Variants in PDE4B observed in about 807,000 individuals in gnomAD.
PDE4B encodes the protein 3',5'-cyclic-AMP phosphodiesterase 4B.
A neutral mutation model predicts 82.2 loss-of-function variants in PDE4B; 20 were observed. That is an observed-to-expected ratio of 0.24 (90% CI 0.17 to 0.35). The LOEUF is 0.35. Ranked by LOEUF, PDE4B falls within the 10% of genes least tolerant of loss-of-function variation. PDE4B has a pLI of 1.00. For synonymous variants in PDE4B, 320 were observed against 318.9 expected, an observed-to-expected ratio of 1.00 and a Z score of -0.04; for missense variants, 655 against 907.2, an observed-to-expected ratio of 0.72 and a Z score of 3.57.
intron 7 of PDE4B, among the ~76,000 whole-genome samples, chr1:66,308,002 A>C (rs979499008): frequency 3.3e-5 from 5 of 152,148 alleles, no homozygotes; most frequent in African/African-American, 1.2e-4. Flanking sequence ...GAAAAATTAG[A>C]TAAATCATAA....
In PDE4B at chr1:65,885,117, T is replaced by C. The variant is rs570603311; in HGVS notation, c.-70-28128T>C. ...CAACAGACACATGAAAAAATGCTCA[T>C]CATCACTGGCCATCAGAGAAATGCA... is the stretch of plus-strand genomic sequence containing the variant. On this transcript the variant is annotated intron_variant, in intron 1 of 16. Transcript: ENST00000341517. Among the ~76,000 whole-genome samples the C allele has an allele frequency of 5.9e-5, 9 of 152,226 alleles. No individual in the cohort carries two copies. In the South Asian group the frequency reaches 1.7e-3, roughly 28 times the overall value.
chr1:65,813,575 C>A (rs1160054710), intron 1 of PDE4B, among the ~76,000 whole-genome samples: 1 of 152,016 alleles, frequency 6.6e-6, no homozygotes, highest in Non-Finnish European at 1.5e-5. Flanking sequence ...CCCTGGAAAT[C>A]ATATTCAAAA....
At chr1:66,266,623 G>A (rs1655059009) in intron 7 of PDE4B, 2 of 469,628 alleles carry the variant, frequency 4.3e-6, no homozygotes, top group Non-Finnish European at 8.7e-6. Context: ...ACGGTGTTTT[G>A]TTTTGTTTTG....
intron 3 of PDE4B, among the ~76,000 whole-genome samples, chr1:66,048,501 A>G (rs899918279): frequency 6.6e-6 from 1 of 152,010 alleles, no homozygotes; most frequent in Admixed American, 6.6e-5. Context: ...TAAAATAATT[A>G]TCTGGAAGGT....
intron 3 of PDE4B, chr1:66,152,535 A>C (rs1158637863): frequency 3.1e-6 from 1 of 324,916 alleles, no homozygotes; most frequent in East Asian, 7.6e-5. Flanking sequence ...CTGATGAGGT[A>C]TGTATATGTA....
At chr1:65,844,543 T>C (rs1399373889) in intron 1 of PDE4B, among the ~76,000 whole-genome samples, 1 of 152,164 alleles carries the variant, frequency 6.6e-6, no homozygotes, top group African/African-American at 2.4e-5. Context: ...TGCCTTATTT[T>C]GTGTTGGATT....
chr1:66,338,781 G>A (rs1216236887), intron 8 of PDE4B, among the ~76,000 whole-genome samples: 8 of 152,144 alleles, frequency 5.3e-5, no homozygotes, highest in African/African-American at 1.9e-4. Context: ...CACTTTGGGA[G>A]GCCGAGGCGG....
intron 3 of PDE4B, among the ~76,000 whole-genome samples, chr1:66,020,718 A>T (rs1283785615): frequency 2.0e-5 from 3 of 152,126 alleles, no homozygotes; most frequent in East Asian, 1.9e-4. Flanking sequence ...TCTATCATTG[A>T]TGGACATTTG....
intron 3 of PDE4B, among the ~76,000 whole-genome samples, chr1:66,000,901 C>T (rs1254171632): frequency 2.6e-5 from 4 of 152,012 alleles, no homozygotes; most frequent in East Asian, 3.9e-4. Context: ...GGAGATTCCT[C>T]GAAAAAGAGG....
At chr1:65,838,318 T>C (rs1165893771) in intron 1 of PDE4B, among the ~76,000 whole-genome samples, 1 of 152,018 alleles carries the variant, frequency 6.6e-6, no homozygotes, top group African/African-American at 2.4e-5. Flanking sequence ...TGCCCCTTGC[T>C]TGTGGAGGAG....
intron 3 of PDE4B, among the ~76,000 whole-genome samples, chr1:66,088,808 C>T (rs1181384230): frequency 1.3e-5 from 2 of 152,028 alleles, no homozygotes; most frequent in African/African-American, 2.4e-5. Context: ...ACGTGACTAG[C>T]TTTTAGCTCT....
At chr1:66,103,030 T>G (rs930550130) in intron 3 of PDE4B, among the ~76,000 whole-genome samples, 3 of 152,108 alleles carry the variant, frequency 2.0e-5, no homozygotes, top group African/African-American at 7.2e-5. Flanking sequence ...ATAAAACTGA[T>G]CAATTAAAGC....
chr1:65,813,900 A>G (rs1645848990), intron 1 of PDE4B, among the ~76,000 whole-genome samples: 1 of 151,660 alleles, frequency 6.6e-6, no homozygotes. Context: ...CGGCAAAAAA[A>G]AAAAAAAAAA....
At chr1:66,216,993 G>A (rs986389483) in intron 3 of PDE4B, among the ~76,000 whole-genome samples, 4 of 152,110 alleles carry the variant, frequency 2.6e-5, no homozygotes, top group Non-Finnish European at 5.9e-5. Context: ...ATCAAATAAA[G>A]CCTCGAACTT....
intron 3 of PDE4B, among the ~76,000 whole-genome samples, chr1:66,215,251 C>A (rs1650363313): frequency 6.6e-6 from 1 of 152,168 alleles, no homozygotes; most frequent in Admixed American, 6.5e-5. Context: ...CAAATATTTT[C>A]ACTGTAGAAG....
At chr1:66,274,163 A>AT (rs113124574) in intron 7 of PDE4B, among the ~76,000 whole-genome samples, 15,802 of 143,272 alleles carry the variant, frequency 0.11, 893 homozygotes, top group South Asian at 0.18. Context: ...AAAAATGGGC[A>AT]TTTTTTTTTT....
chr1:65,841,847 A>G (rs1266862864), intron 1 of PDE4B, among the ~76,000 whole-genome samples: 1 of 152,142 alleles, frequency 6.6e-6, no homozygotes, highest in African/African-American at 2.4e-5. Context: ...TCCATTTTGG[A>G]TTGTTGTCTG....
intron 3 of PDE4B, among the ~76,000 whole-genome samples, chr1:66,097,680 T>C (rs1645143635): frequency 6.6e-6 from 1 of 152,020 alleles, no homozygotes; most frequent in Non-Finnish European, 1.5e-5. Context: ...TCTTTCTCTC[T>C]ATCTTCTTGA....
intron 3 of PDE4B, among the ~76,000 whole-genome samples, chr1:66,154,436 G>A (rs673143): frequency 0.28 from 42,091 of 151,988 alleles, 6,873 homozygotes; most frequent in Middle Eastern, 0.43. Flanking sequence ...AGAATTGAAG[G>A]GCAAAGAGAA....
Sources: allele counts gnomAD v4.1 joint callset (sites outside exome capture counted in the v4.1 genomes callset), GRCh38; gene constraint gnomAD v4.1.1; transcripts MANE v1.5; gene names NCBI Gene and HGNC (gene_info 2026-07-23, HGNC 2026-07-21).